CDKAL1: variants seen among roughly 807,000 people sequenced by gnomAD.
CDKAL1 encodes threonylcarbamoyladenosine tRNA methylthiotransferase.
A neutral mutation model predicts 68.2 loss-of-function variants in CDKAL1; 32 were observed. That is an observed-to-expected ratio of 0.47 (90% CI 0.35 to 0.63). The LOEUF (loss-of-function observed/expected upper bound fraction) is 0.63, where lower values mean the gene tolerates loss of function less well. CDKAL1 is among the 30% of genes least tolerant of loss of function. CDKAL1 has a pLI of 0.00. For synonymous variants in CDKAL1, 234 were observed against 244.3 expected (o/e 0.96, Z 0.39); for missense variants, 606 against 696.7 (o/e 0.87, Z 1.47).
At chr6:21,088,625 G>A (rs6456396) in intron 12 of CDKAL1, among the ~76,000 whole-genome samples, 1 of 151,944 alleles carries the variant, frequency 6.6e-6, no homozygotes, top group Non-Finnish European at 1.5e-5. Flanking sequence ...GGAATTGATA[G>A]TATTTTTCTA....
At chr6:21,064,053 C>T (rs775972030) in intron 11 of CDKAL1, among the ~76,000 whole-genome samples, 1 of 152,114 alleles carries the variant, frequency 6.6e-6, no homozygotes, top group Non-Finnish European at 1.5e-5. Flanking sequence ...CCAAGTTAAT[C>T]CAGACATCCC....
At chr6:20,863,184 C>A (rs1439071459) in intron 9 of CDKAL1, among the ~76,000 whole-genome samples, 1 of 152,178 alleles carries the variant, frequency 6.6e-6, no homozygotes, top group East Asian at 1.9e-4. Flanking sequence ...GCTGATACTG[C>A]TGGTGCATGG....
In CDKAL1 at chr6:20,916,898, G is replaced by A. The variant is rs183911048; in HGVS notation, c.743-38521G>A. Among the ~76,000 whole-genome samples, 282 of 144,174 alleles carry A rather than the reference G, an allele frequency of 2.0e-3. 2 individuals carry two copies. Among genetic ancestry groups the A allele is most frequent in the Middle Eastern group, 3.4e-3 (1 of 290 alleles). 94.6% of individuals were successfully genotyped at this position (144,174 alleles called of 152,430 possible). A position where few individuals can be genotyped will look rare whatever the true frequency, so the allele number is the denominator to read the frequency against. On this transcript the variant is annotated intron_variant, in intron 9 of 15. Transcript: ENST00000274695. The stretch of plus-strand genomic sequence containing the variant: ...AACAATAACAAAAAAAGACAAGATC[G>A]GGCGCAGTGGCTTGAAAGGCTGTTC...
chr6:21,040,811 T>C (rs974712168), intron 11 of CDKAL1, among the ~76,000 whole-genome samples: 1 of 152,180 alleles, frequency 6.6e-6, no homozygotes, highest in African/African-American at 2.4e-5. Context: ...GAATAATGCA[T>C]AGACATGCAT....
chr6:20,637,333 C>T (rs1175861093), intron 4 of CDKAL1, among the ~76,000 whole-genome samples: 2 of 152,016 alleles, frequency 1.3e-5, no homozygotes, highest in Non-Finnish European at 2.9e-5. Context: ...GAGGCCGAGG[C>T]GGGAGGATCA....
intron 13 of CDKAL1, among the ~76,000 whole-genome samples, chr6:21,194,290 T>C (rs1454439516): frequency 6.6e-6 from 1 of 152,226 alleles, no homozygotes; most frequent in Non-Finnish European, 1.5e-5. Flanking sequence ...TCTTCCTTAC[T>C]TGCAGGATTT....
chr6:21,133,551 G>A (rs978238027), intron 13 of CDKAL1, among the ~76,000 whole-genome samples: 4 of 152,184 alleles, frequency 2.6e-5, no homozygotes, highest in East Asian at 1.9e-4. Flanking sequence ...TGGATAGCAC[G>A]CAGTGGTCTT....
At chr6:20,546,250 T>C (rs1763597556) in intron 2 of CDKAL1, 96 bp from the exon 3 acceptor site, 2 of 922,354 alleles carry the variant, frequency 2.2e-6, no homozygotes, top group Admixed American at 4.7e-5. Flanking sequence ...ATCCAAAGGC[T>C]TGATTAGATT....
intron 4 of CDKAL1, among the ~76,000 whole-genome samples, chr6:20,581,426 C>T (rs2127689423): frequency 6.6e-6 from 1 of 152,264 alleles, no homozygotes. Flanking sequence ...ACAAAGTGTT[C>T]ATCCTTTTAA....
chr6:20,606,700 C>T (rs759240113), intron 4 of CDKAL1, among the ~76,000 whole-genome samples: 2 of 152,116 alleles, frequency 1.3e-5, no homozygotes, highest in African/African-American at 2.4e-5. Context: ...CGAGTTGATC[C>T]TAAAATGCTG....
At position 21,101,889 on chromosome 6, in the gene CDKAL1, CCAGCTGTTAAT is replaced by C. The variant is rs543977072; in HGVS notation, c.1237-6508_1237-6498del. Among the ~76,000 whole-genome samples, 16 of 152,210 alleles carry C rather than the reference CCAGCTGTTAAT, an allele frequency of 1.1e-4. No individual in the cohort carries two copies. The East Asian group carries it at 2.1e-3, about 20-fold the overall frequency. On this transcript the variant is annotated intron_variant, in intron 12 of 15. Coordinates refer to ENST00000274695, the MANE Select transcript of CDKAL1 (RefSeq NM_017774.3). ...TACCAAGAGCTGTCTATCCTACCTC[CCAGCTGTTAAT>C]CAGATCTGTCCCACCTTCTCCCCTT...
intron 9 of CDKAL1, among the ~76,000 whole-genome samples, chr6:20,881,450 G>A (rs747213610): frequency 1.3e-5 from 2 of 152,110 alleles, no homozygotes; most frequent in African/African-American, 2.4e-5. Context: ...TTGTTATTGA[G>A]AACTGATTGT....
intron 12 of CDKAL1, among the ~76,000 whole-genome samples, chr6:21,070,015 C>T (rs960297644): frequency 1.5e-4 from 23 of 151,884 alleles, no homozygotes; most frequent in Non-Finnish European, 2.9e-4. Context: ...TGGTCTCGAT[C>T]TCCTGACCTT....
intron 13 of CDKAL1, among the ~76,000 whole-genome samples, chr6:21,191,888 T>C (rs1778252742): frequency 6.6e-6 from 1 of 150,736 alleles, no homozygotes; most frequent in Non-Finnish European, 1.5e-5. Context: ...TCAGCAGTAA[T>C]GCAGGGTCTT....
intron 13 of CDKAL1, among the ~76,000 whole-genome samples, chr6:21,146,737 G>C (rs537213443): frequency 2.0e-4 from 31 of 151,348 alleles, no homozygotes; most frequent in Non-Finnish European, 4.3e-4. Flanking sequence ...TGTAGTCCCA[G>C]CTACTTGGGA....
At chr6:21,046,406 G>A (rs1770233055) in intron 11 of CDKAL1, among the ~76,000 whole-genome samples, 2 of 152,216 alleles carry the variant, frequency 1.3e-5, no homozygotes, top group East Asian at 3.8e-4. Context: ...GTAAGAAGAA[G>A]GGGGCAGTGG....
At chr6:20,629,737 C>T (rs954264656) in intron 4 of CDKAL1, among the ~76,000 whole-genome samples, 9 of 151,894 alleles carry the variant, frequency 5.9e-5, no homozygotes, top group East Asian at 3.9e-4. Flanking sequence ...CCCATTGTGC[C>T]GCAGCTCTGT....
intron 5 of CDKAL1, among the ~76,000 whole-genome samples, chr6:20,684,196 C>G (rs113180885): frequency 0.015 from 2,273 of 152,316 alleles, 47 homozygotes; most frequent in African/African-American, 0.052. Flanking sequence ...AATCCCCGCA[C>G]TTTGGGAGGC....
At chr6:20,948,931 C>T (rs1348674076) in intron 9 of CDKAL1, among the ~76,000 whole-genome samples, 2 of 152,144 alleles carry the variant, frequency 1.3e-5, no homozygotes, top group African/African-American at 4.8e-5. Flanking sequence ...CAAATTCCTG[C>T]AGAAGTATGG....
Sources: gnomAD v4.1 joint callset for allele counts (sites outside exome capture counted in the v4.1 genomes callset) on GRCh38, gnomAD v4.1.1 for gene constraint, MANE v1.5 for transcripts, NCBI Gene and HGNC (gene_info 2026-07-23, HGNC 2026-07-21) for gene names.